Variants in TMEM87A observed in about 807,000 individuals in gnomAD.
The protein encoded by TMEM87A is Golgi-pH regulating cation channel.
In TMEM87A, 50 loss-of-function variants were observed where a neutral mutation model predicts 90.0. That is an observed-to-expected ratio of 0.56 (90% CI 0.44 to 0.70). The LOEUF (loss-of-function observed/expected upper bound fraction) is 0.70. Ranked by LOEUF, TMEM87A falls within the 30% of genes least tolerant of loss-of-function variation. The pLI is 0.00. For synonymous variants in TMEM87A, 226 were observed against 226.7 expected (o/e 1.00, Z 0.03); for missense variants, 577 against 660.5 (o/e 0.87, Z 1.39).
chr15:42,233,608 C>T (rs1457769143), intron 10 of TMEM87A, among the ~76,000 whole-genome samples: 1 of 152,162 alleles, frequency 6.6e-6, no homozygotes, highest in Non-Finnish European at 1.5e-5. Flanking sequence ...GCCCAACAAC[C>T]ACTAACCTAT....
chr15:42,251,195 T>C lies in TMEM87A; in HGVS notation c.505-7028A>G, dbSNP rs146773371. 5.1e-3 allele frequency among the ~76,000 whole-genome samples: 781 copies of C among 152,350 alleles called. 4 individuals are homozygous for C. Among genetic ancestry groups the C allele is most frequent in the Non-Finnish European group, 8.2e-3 (555 of 68,038 alleles). On this transcript the variant is annotated intron_variant, in intron 6 of 19. Transcript: ENST00000389834. ...TGTGATGGGTTTGAACATCCTCCTT[T>C]AGCTCAGAGAGGTTTGTTATTACCA...
At chr15:42,247,042 C>A (rs2050989203) in intron 6 of TMEM87A, among the ~76,000 whole-genome samples, 1 of 79,532 alleles carries the variant, frequency 1.3e-5, no homozygotes, top group African/African-American at 4.1e-5. Flanking sequence ...CTCTGATGAC[C>A]AGTGATGATG....
At chr15:42,268,772 A>C (rs1403893881) in intron 2 of TMEM87A, among the ~76,000 whole-genome samples, 1 of 152,252 alleles carries the variant, frequency 6.6e-6, no homozygotes, top group African/African-American at 2.4e-5. Flanking sequence ...CAAATTATTA[A>C]GACCCTTCAA....
intron 11 of TMEM87A, 121 bp downstream of exon 11, chr15:42,233,091 CA>C: frequency 1.4e-6 from 1 of 724,778 alleles, no homozygotes; most frequent in Non-Finnish European, 2.3e-6. Flanking sequence ...TTTTGAAAAT[CA>C]GAGCCCAAAA....
chr15:42,237,979 G>A (rs778674918), intron 8 of TMEM87A, among the ~76,000 whole-genome samples: 11 of 147,936 alleles, frequency 7.4e-5, no homozygotes, highest in Non-Finnish European at 1.2e-4. Flanking sequence ...CCTCAAGAGC[G>A]AATGCTCTCA....
intron 8 of TMEM87A, 78 bp from the exon 9 acceptor site, chr15:42,237,693 A>AC (rs1324598438): frequency 3.1e-6 from 3 of 976,360 alleles, no homozygotes; most frequent in African/African-American, 2.5e-5. Context: ...ATCAATATAT[A>AC]CTTTTTTTTT....
At chr15:42,226,275 C>T in intron 15 of TMEM87A, among the ~76,000 whole-genome samples, 1 of 151,508 alleles carries the variant, frequency 6.6e-6, no homozygotes. Context: ...GCTGGAATTA[C>T]AGGCGTGAGC....
At chr15:42,245,290 C>A (rs1432008172) in intron 6 of TMEM87A, among the ~76,000 whole-genome samples, 1 of 152,136 alleles carries the variant, frequency 6.6e-6, no homozygotes, top group Non-Finnish European at 1.5e-5. Context: ...ATTACAGAAC[C>A]TTTCCTGAAC....
At chr15:42,221,672 C>G (rs2050488109) in intron 15 of TMEM87A, among the ~76,000 whole-genome samples, 1 of 152,006 alleles carries the variant, frequency 6.6e-6, no homozygotes, top group South Asian at 2.1e-4. Flanking sequence ...AAGTTTGAGT[C>G]TAGCCTAGGC....
At chr15:42,217,102 T>C (rs1012139082) in intron 19 of TMEM87A, among the ~76,000 whole-genome samples, 14 of 151,946 alleles carry the variant, frequency 9.2e-5, no homozygotes, top group Non-Finnish European at 7.4e-5. Flanking sequence ...TACAGGTGTA[T>C]GCCACCATCT....
chr15:42,224,843 T>C (rs1183041271), intron 15 of TMEM87A, among the ~76,000 whole-genome samples: 1 of 151,920 alleles, frequency 6.6e-6, no homozygotes, highest in African/African-American at 2.4e-5. Flanking sequence ...CATTATAATA[T>C]GCAGTTAACA....
chr15:42,212,183 T>C (rs1487212678), intron 19 of TMEM87A, among the ~76,000 whole-genome samples: 1 of 152,216 alleles, frequency 6.6e-6, no homozygotes, highest in East Asian at 1.9e-4. Flanking sequence ...TGTTTTTTAC[T>C]ACACTTTTTA....
In TMEM87A at chr15:42,237,442, T is replaced by G; in HGVS notation, c.858A>C (p.Lys286Asn). The G allele has an allele frequency of 2.5e-6, 4 of 1,613,774 alleles. No homozygotes were observed. The highest frequency in any genetic ancestry group is 3.4e-6 in the Non-Finnish European group (4 of 1,179,866). The change falls in exon 9 of 20, where the codon AAA becomes AAC. Residue 286 changes from lysine (K) to asparagine (N), a missense_variant. Physicochemically the swap from Lys to Asn is moderately conservative, Grantham distance 94 (BLOSUM62 0). Transcript: ENST00000389834. ...TTTCTGGTTACTTACCAGATTCTCC[T>G]TTGTATCGGATATTCTGAAATTCCG... ...FYAEFQNIRY[K>N]GESVQGALIL...
intron 10 of TMEM87A, among the ~76,000 whole-genome samples, chr15:42,233,664 A>G (rs773951535): frequency 6.6e-6 from 1 of 152,040 alleles, no homozygotes; most frequent in African/African-American, 2.4e-5. Flanking sequence ...CCACCCTTTC[A>G]TATTCTCTTG....
At chr15:42,227,519 C>T (rs150782834) in intron 14 of TMEM87A, 192 bp downstream of exon 14, 1 of 483,730 alleles carries the variant, frequency 2.1e-6, no homozygotes, top group African/African-American at 2.0e-5. Context: ...AAAAAACAAA[C>T]AAAAAACTAC....
intron 2 of TMEM87A, among the ~76,000 whole-genome samples, chr15:42,270,021 A>G (rs2140994063): frequency 6.6e-6 from 1 of 151,952 alleles, no homozygotes; most frequent in South Asian, 2.1e-4. Context: ...GTACAAAATC[A>G]AAGACAACTG....
chr15:42,238,421 T>C (rs2050813871), intron 8 of TMEM87A, among the ~76,000 whole-genome samples: 1 of 151,866 alleles, frequency 6.6e-6, no homozygotes, highest in South Asian at 2.1e-4. Context: ...AATACAAAAA[T>C]TAGCCAGGCA....
At chr15:42,215,339 A>T (rs2050363458) in intron 19 of TMEM87A, among the ~76,000 whole-genome samples, 1 of 152,158 alleles carries the variant, frequency 6.6e-6, no homozygotes, top group Non-Finnish European at 1.5e-5. Context: ...CTCTACTAAA[A>T]AAATGCAAAA....
chr15:42,267,172 G>T (rs186455507), intron 3 of TMEM87A, among the ~76,000 whole-genome samples: 1 of 152,172 alleles, frequency 6.6e-6, no homozygotes, highest in African/African-American at 2.4e-5. Context: ...TTAGCTAAGT[G>T]TGAAATGAGT....
Sources: allele counts gnomAD v4.1 joint callset (sites outside exome capture counted in the v4.1 genomes callset), GRCh38; gene constraint gnomAD v4.1.1; transcripts MANE v1.5; gene names NCBI Gene and HGNC (gene_info 2026-07-23, HGNC 2026-07-21).